Variants in USH2A observed in about 807,000 individuals in gnomAD.
USH2A encodes usherin, also known as Usher syndrome 2A (autosomal recessive, mild).
Under a neutral mutation model 538.9 loss-of-function variants are expected in USH2A, and 443 were observed. That is an observed-to-expected ratio of 0.82 (90% CI 0.76 to 0.89). The LOEUF (loss-of-function observed/expected upper bound fraction) is 0.89, where lower values mean the gene tolerates loss of function less well. Ranked by LOEUF, USH2A falls within the 40% of genes least tolerant of loss-of-function variation. The pLI, the probability that USH2A is intolerant of heterozygous loss-of-function variation, is 0.00. For missense variants in USH2A, 6,633 were observed against 6,324.8 expected, an observed-to-expected ratio of 1.05 and a Z score of -1.65; for synonymous variants, 2,413 against 2,273.5, an observed-to-expected ratio of 1.06 and a Z score of -1.75.
At chr1:215,919,998 G>C (rs773221226) in intron 38 of USH2A, among the ~76,000 whole-genome samples, 26 of 151,842 alleles carry the variant, frequency 1.7e-4, no homozygotes, top group Admixed American at 3.3e-4. Flanking sequence ...TAATTTAGTT[G>C]TTGTTCCCTT....
At chr1:216,043,940 T>C (rs1407135315) in intron 32 of USH2A, among the ~76,000 whole-genome samples, 1 of 152,122 alleles carries the variant, frequency 6.6e-6, no homozygotes, top group African/African-American at 2.4e-5. Context: ...GCCTTATTCC[T>C]ACCCTAATCC....
At chr1:215,757,235 C>A (rs1660840302) in intron 58 of USH2A, among the ~76,000 whole-genome samples, 1 of 152,092 alleles carries the variant, frequency 6.6e-6, no homozygotes, top group African/African-American at 2.4e-5. Flanking sequence ...TTATATTTTT[C>A]TTTGCTTATA....
intron 4 of USH2A, among the ~76,000 whole-genome samples, chr1:216,341,376 G>A (rs116564407): frequency 0.019 from 2,854 of 151,944 alleles, 91 homozygotes; most frequent in African/African-American, 0.062. Context: ...ACATTCCATC[G>A]TCATGGATAG....
chr1:216,210,241 T>TCCCTAATCAACTA (rs1450312438), intron 15 of USH2A, among the ~76,000 whole-genome samples: 1,832 of 152,138 alleles, frequency 0.012, 28 homozygotes, highest in African/African-American at 0.042. Flanking sequence ...ATCAACTAAG[T>TCCCTAATCAACTA]ATACCACTGG....
intron 21 of USH2A, among the ~76,000 whole-genome samples, chr1:216,114,651 C>A (rs1292925823): frequency 6.6e-6 from 1 of 152,066 alleles, no homozygotes; most frequent in Admixed American, 6.6e-5. Flanking sequence ...AGGAAGAAAG[C>A]AGTCAGGGGA....
In USH2A at chr1:216,418,772, C is replaced by G. The variant is rs376242367; in HGVS notation, c.486-93G>C. Reference sequence around the variant, plus strand: ...GCAGTTACAGTGGTGTTAAAATGACCTCAAACTTTGCTCAAAATGGTGTAC... The same window carrying G: ...GCAGTTACAGTGGTGTTAAAATGACGTCAAACTTTGCTCAAAATGGTGTAC... On this transcript the variant is annotated intron_variant, in intron 2 of 71. Transcript: ENST00000307340. 6.3e-6 allele frequency: 9 copies of G among 1,423,546 alleles called. No individual in the cohort carries two copies. The East Asian group carries it at 1.6e-4, about 26-fold the overall frequency. The allele number at this position is 1,423,546 out of a possible 1,614,324, so 88.2% of individuals were successfully genotyped here.
intron 20 of USH2A, among the ~76,000 whole-genome samples, chr1:216,184,677 TTAG>T (rs1031120283): frequency 4.5e-4 from 69 of 151,998 alleles, no homozygotes; most frequent in African/African-American, 1.5e-3. Context: ...AATATTTATA[TTAG>T]TATTCACTAA....
intron 61 of USH2A, among the ~76,000 whole-genome samples, chr1:215,695,941 G>T (rs1340369057): frequency 2.0e-5 from 3 of 151,870 alleles, no homozygotes; most frequent in Non-Finnish European, 4.4e-5. Context: ...TAGAGACAGG[G>T]TTTCCCCATG....
chr1:216,117,381 C>T (rs984469839), intron 21 of USH2A, among the ~76,000 whole-genome samples: 8 of 152,152 alleles, frequency 5.3e-5, no homozygotes, highest in Non-Finnish European at 1.0e-4. Context: ...TATATAATCA[C>T]TCTTACAGGA....
intron 71 of USH2A, among the ~76,000 whole-genome samples, chr1:215,627,669 G>A (rs1158207238): frequency 1.3e-5 from 2 of 151,958 alleles, no homozygotes; most frequent in East Asian, 1.9e-4. Context: ...GGGATTACAG[G>A]TGCGCACCAC....
intron 21 of USH2A, among the ~76,000 whole-genome samples, chr1:216,109,154 A>C (rs1421569659): frequency 6.6e-6 from 1 of 152,148 alleles, no homozygotes; most frequent in Non-Finnish European, 1.5e-5. Context: ...TCATGGCAAA[A>C]TTTCATAGGA....
intron 27 of USH2A, among the ~76,000 whole-genome samples, chr1:216,077,507 A>G (rs1195985511): frequency 6.6e-6 from 1 of 150,962 alleles, no homozygotes; most frequent in African/African-American, 2.4e-5. Context: ...TTATTTTTTC[A>G]TCTGTAAATA....
Position 216,026,042 on chromosome 1 carries a change from C to T in USH2A, c.6325+20389G>A, listed in dbSNP as rs76762401. Among the ~76,000 whole-genome samples the T allele has an allele frequency of 6.9e-3, 1,047 of 152,112 alleles. 13 individuals carry two copies. Among genetic ancestry groups the T allele is most frequent in the African/African-American group, 0.024 (990 of 41,534 alleles). ...AATAGCCTTTTAAAGGTGTGGTATA[C>T]GAGACAAACTTTCCTAAACTCTACT... On this transcript the variant is annotated intron_variant, in intron 32 of 71. Coordinates refer to ENST00000307340, the MANE Select transcript of USH2A (RefSeq NM_206933.4).
intron 40 of USH2A, among the ~76,000 whole-genome samples, chr1:215,890,838 A>G (rs1431284556): frequency 6.6e-6 from 1 of 152,102 alleles, no homozygotes; most frequent in Non-Finnish European, 1.5e-5. Flanking sequence ...AAAACCCCCA[A>G]ATCCCCTGAG....
At chr1:215,694,167 T>G (rs1658715721) in intron 61 of USH2A, among the ~76,000 whole-genome samples, 1 of 152,220 alleles carries the variant, frequency 6.6e-6, no homozygotes, top group Non-Finnish European at 1.5e-5. Flanking sequence ...AAATGACCTG[T>G]ACAAGATAAG....
At position 215,867,066 on chromosome 1, in the gene USH2A, G is replaced by T; in HGVS notation, c.8786C>A (p.Ala2929Asp). 1 of 1,614,138 alleles carries T rather than the reference G, an allele frequency of 6.2e-7. No individual in the cohort carries two copies. The highest frequency in any genetic ancestry group is 1.1e-5 in the South Asian group (1 of 91,090). Residue 2929 changes from alanine to aspartate, a missense_variant, in exon 44 of 72, where the codon GCC becomes GAC. Physicochemically the swap from Ala to Asp is moderately radical, Grantham distance 126 (BLOSUM62 -2). Coordinates refer to ENST00000307340, the MANE Select transcript of USH2A (RefSeq NM_206933.4). ...TTLAGLPERG[A>D]NLTASVLNHT... ...GTTAAGGACACTCGCAGTGAGATTG[G>T]CTCCTCTCTCTGGAAGACCAGCTAA...
chr1:215,844,324 GTC>G lies in USH2A; in HGVS notation c.9226_9227del (p.Asp3076ProfsTer8), dbSNP rs1553268434. 1 of 1,613,716 alleles carries G rather than the reference GTC, an allele frequency of 6.2e-7. No homozygotes were observed. Among genetic ancestry groups the G allele is most frequent in the Non-Finnish European group, 8.5e-7 (1 of 1,179,804 alleles). Reference protein sequence around the residue: ...MNVPGSFILRDLSPFTIYDIQ... With the variant: ...MNVPGSFILRXLSPFTIYDIQ... ...TGTCATAGATAGTGAAGGGAGACAG[GTC>G]TCTCAGAATAAACGACCCAGGCACA... is the stretch of plus-strand genomic sequence containing the variant. On this transcript the variant is annotated frameshift_variant, in exon 46 of 72. Coordinates refer to ENST00000307340, the MANE Select transcript of USH2A (RefSeq NM_206933.4). LOFTEE classifies it high-confidence loss of function.
At chr1:216,346,136 G>T (rs185649236) in intron 4 of USH2A, among the ~76,000 whole-genome samples, 2 of 152,048 alleles carry the variant, frequency 1.3e-5, no homozygotes, top group Middle Eastern at 3.2e-3. Context: ...ACACCTGGGA[G>T]GTTACCTTTG....
rs772298519 is a variant in USH2A, at chr1:215,674,559, G to A, written c.13352C>T (p.Thr4451Ile). 2 of 1,614,026 alleles carry A rather than the reference G, an allele frequency of 1.2e-6. No homozygotes were observed. Among genetic ancestry groups the A allele is most frequent in the East Asian group, 2.2e-5 (1 of 44,886 alleles). The change falls in exon 63 of 72, where the codon ACA (threonine) becomes ATA (isoleucine). Residue 4451 changes from threonine (T) to isoleucine (I), a missense_variant. Physicochemically the swap from Thr to Ile is moderately conservative, Grantham distance 89. Coordinates refer to ENST00000307340, the MANE Select transcript of USH2A (RefSeq NM_206933.4). ...TGATTCTGAGCCTGTGACTTGCAAT[G>A]TTGGAGAGTCCATGTTCTCTGGCAG... ...EALPENMDSP[T>I]LQVTGSESIE...
Sources: gnomAD v4.1 joint callset for allele counts (sites outside exome capture counted in the v4.1 genomes callset) on GRCh38, gnomAD v4.1.1 for gene constraint, MANE v1.5 for transcripts, NCBI Gene and HGNC (gene_info 2026-07-23, HGNC 2026-07-21) for gene names.